Variants in NHSL1 observed in about 807,000 individuals in gnomAD.
NHSL1 encodes the protein NHS-like protein 1.
In NHSL1, 48 loss-of-function variants were observed where a neutral mutation model predicts 95.0. That is an observed-to-expected ratio of 0.51 (90% CI 0.40 to 0.64). The LOEUF is 0.64. NHSL1 is among the 30% of genes least tolerant of loss of function. NHSL1 has a pLI of 0.00. For missense variants in NHSL1, 1,971 were observed against 2,077.7 expected (o/e 0.95, Z 1.00); for synonymous variants, 783 against 833.9 (o/e 0.94, Z 1.05).
chr6:138,681,921 G>T (rs898536789), intron 1 of NHSL1, among the ~76,000 whole-genome samples: 3 of 151,624 alleles, frequency 2.0e-5, no homozygotes, highest in Non-Finnish European at 4.4e-5. Context: ...TATAACAAAG[G>T]ATTTCCCTAC....
In NHSL1 at chr6:138,630,823, G is replaced by C. The variant is rs186173328; in HGVS notation, c.96+61653C>G. On this transcript the variant is annotated intron_variant, in intron 1 of 3. Coordinates refer to the NHSL1 transcript ENST00000491526. ...GGGAAGGGGGCAAGGCAAGATGGTG[G>C]AATAGAAGGCTCCACCCATCGTCCT... is the stretch of plus-strand genomic sequence containing the variant. Among the ~76,000 whole-genome samples the C allele has an allele frequency of 9.9e-5, 15 of 152,282 alleles. No individual in the cohort carries two copies. In the South Asian group the frequency reaches 1.7e-3, roughly 17 times the overall value.
At chr6:138,614,558 A>G (rs4524622) in intron 1 of NHSL1, among the ~76,000 whole-genome samples, 4,512 of 152,294 alleles carry the variant, frequency 0.03, 206 homozygotes, top group African/African-American at 0.1. Context: ...GAATCCTTTC[A>G]ATGACCCTAC....
chr6:138,665,969 G>T (rs1785288703), intron 1 of NHSL1, among the ~76,000 whole-genome samples: 1 of 152,156 alleles, frequency 6.6e-6, no homozygotes, highest in African/African-American at 2.4e-5. Context: ...TAAGACAAAT[G>T]CTAGCTCTTG....
intron 1 of NHSL1, among the ~76,000 whole-genome samples, chr6:138,537,861 GA>G (rs1354736582): frequency 6.6e-6 from 1 of 152,134 alleles, no homozygotes; most frequent in Non-Finnish European, 1.5e-5. Context: ...CAGTGGGCAG[GA>G]AAACAACCAG....
At chr6:138,659,419 G>C (rs1785197681) in intron 1 of NHSL1, among the ~76,000 whole-genome samples, 1 of 152,012 alleles carries the variant, frequency 6.6e-6, no homozygotes, top group South Asian at 2.1e-4. Flanking sequence ...AACATATTTT[G>C]AAATTTAAGA....
chr6:138,458,007 G>GA (rs554103437), intron 3 of NHSL1, among the ~76,000 whole-genome samples: 1,863 of 96,658 alleles, frequency 0.019, 11 homozygotes, highest in Middle Eastern at 0.026. Context: ...AACTCCAACT[G>GA]AAAAAAAAAA....
intron 1 of NHSL1, among the ~76,000 whole-genome samples, chr6:138,641,873 C>T (rs903121011): frequency 2.0e-5 from 3 of 151,976 alleles, no homozygotes; most frequent in Admixed American, 6.6e-5. Flanking sequence ...ATATTTTCTT[C>T]GATTTCTATA....
intron 1 of NHSL1, among the ~76,000 whole-genome samples, chr6:138,624,762 TA>T (rs1444110048): frequency 6.6e-6 from 1 of 152,190 alleles, no homozygotes; most frequent in East Asian, 1.9e-4. Context: ...CTGATGAACT[TA>T]ATATTGCTGA....
intron 1 of NHSL1, among the ~76,000 whole-genome samples, chr6:138,640,480 A>G (rs949308571): frequency 6.6e-6 from 1 of 152,206 alleles, no homozygotes; most frequent in Non-Finnish European, 1.5e-5. Context: ...CAGCAAGACC[A>G]ATCCCTCCTC....
At chr6:138,474,906 T>C (rs1778970445) in intron 2 of NHSL1, among the ~76,000 whole-genome samples, 1 of 152,158 alleles carries the variant, frequency 6.6e-6, no homozygotes, top group Admixed American at 6.5e-5. Context: ...CCCAGTACTT[T>C]GGGAGGCCAA....
chr6:138,622,780 G>A (rs1159542744), intron 1 of NHSL1, among the ~76,000 whole-genome samples: 1 of 152,142 alleles, frequency 6.6e-6, no homozygotes, highest in Non-Finnish European at 1.5e-5. Flanking sequence ...AATTATCAGA[G>A]CCTACGCTTG....
intron 1 of NHSL1, among the ~76,000 whole-genome samples, chr6:138,561,590 GTC>G (rs774124287): frequency 5.7e-4 from 87 of 152,262 alleles, no homozygotes; most frequent in Admixed American, 3.7e-3. Flanking sequence ...TTGGGAAAGG[GTC>G]TCTCCTCAGT....
At chr6:138,671,771 G>A (rs932267186) in intron 1 of NHSL1, among the ~76,000 whole-genome samples, 1 of 152,162 alleles carries the variant, frequency 6.6e-6, no homozygotes, top group Non-Finnish European at 1.5e-5. Flanking sequence ...CCAAAAAGCC[G>A]TTATTTATGT....
intron 1 of NHSL1, 79 bp downstream of exon 1, chr6:138,499,154 C>CAT (rs1562329531): frequency 1.8e-6 from 1 of 545,458 alleles, no homozygotes; most frequent in Non-Finnish European, 2.9e-6. Context: ...CACACACACA[C>CAT]ACACAGACAC....
chr6:138,610,589 C>T (rs918531199), intron 1 of NHSL1, among the ~76,000 whole-genome samples: 1 of 147,618 alleles, frequency 6.8e-6, no homozygotes, highest in Non-Finnish European at 1.5e-5. Flanking sequence ...GAAAAGAAAG[C>T]AAACAACAGG....
intron 1 of NHSL1, among the ~76,000 whole-genome samples, chr6:138,614,445 T>TGG (rs1784552754): frequency 6.6e-6 from 1 of 152,202 alleles, no homozygotes; most frequent in African/African-American, 2.4e-5. Flanking sequence ...TCCACAAGTG[T>TGG]TAATCACTGG....
chr6:138,422,057 G>A lies in NHSL1; in HGVS notation c.*2024C>T, dbSNP rs1774954725. On this transcript the variant is annotated 3_prime_UTR_variant, in exon 8 of 8. Transcript: ENST00000343505. ...TATTTCAAATATTTACTTTACAATT[G>A]TTTTATTCAAAGGAAATTAAATACA... The A allele has an allele frequency of 1.3e-5, 2 of 152,020 alleles. No individual in the cohort carries two copies. The highest frequency in any genetic ancestry group is 2.4e-5 in the African/African-American group (1 of 41,376). 9.4% of individuals were successfully genotyped at this position (152,020 alleles called of 1,614,324 possible). A position where few individuals can be genotyped will look rare whatever the true frequency, so the allele number is the denominator to read the frequency against.
upstream of NHSL1, among the ~76,000 whole-genome samples, chr6:138,547,171 G>A (rs935790548): frequency 2.0e-4 from 30 of 152,054 alleles, no homozygotes; most frequent in African/African-American, 5.3e-4. Context: ...TTCAACATAC[G>A]GTGCAGCATA....
Position 138,457,115 on chromosome 6 carries a change from A to C in NHSL1, c.340-9922T>G, listed in dbSNP as rs182604651. Among the ~76,000 whole-genome samples, 119 of 152,256 alleles carry C rather than the reference A, an allele frequency of 7.8e-4. 1 individual carries two copies. The highest frequency in any genetic ancestry group is 2.8e-3 in the African/African-American group (116 of 41,530). ...AGGCTAGTCTGGAACTCCTGACTTC[A>C]AGGGATCCGCCTGCCTCAGCCTCCC... On this transcript the variant is annotated intron_variant, in intron 3 of 7. Transcript: ENST00000343505.
Sources: gnomAD v4.1 joint callset for allele counts (sites outside exome capture counted in the v4.1 genomes callset) on GRCh38, gnomAD v4.1.1 for gene constraint, MANE v1.5 for transcripts, NCBI Gene and HGNC (gene_info 2026-07-23, HGNC 2026-07-21) for gene names.